The following LRBA variants were observed in gnomAD, a reference collection of about 807,000 sequenced individuals.
LRBA encodes the protein LPS responsive beige-like anchor protein.
LRBA carries 176 observed loss-of-function variants against 330.0 expected under a neutral mutation model. That is an observed-to-expected ratio of 0.53 (90% CI 0.47 to 0.60). The LOEUF (loss-of-function observed/expected upper bound fraction) is 0.60, where lower values mean the gene tolerates loss of function less well. Among genes scored for constraint, LRBA ranks in the 20% least tolerant of loss-of-function variants. The probability of loss-of-function intolerance (pLI) is 0.00; values close to 1 mark genes in which losing one functional copy is unlikely to be tolerated. For synonymous variants in LRBA, 1,230 were observed against 1,193.0 expected, an observed-to-expected ratio of 1.03 and a Z score of -0.64; for missense variants, 3,259 against 3,444.8, an observed-to-expected ratio of 0.95 and a Z score of 1.35.
chr4:150,753,000 C>G (rs1171026492), intron 35 of LRBA, among the ~76,000 whole-genome samples: 1 of 152,138 alleles, frequency 6.6e-6, no homozygotes, highest in African/African-American at 2.4e-5. Flanking sequence ...TGGAATTCAG[C>G]AGATTTCTCT....
chr4:150,301,293 G>A (rs1486345433), intron 53 of LRBA, among the ~76,000 whole-genome samples: 1 of 151,994 alleles, frequency 6.6e-6, no homozygotes, highest in African/African-American at 2.4e-5. Flanking sequence ...TAATTACAGA[G>A]ATGTCTGTAT....
chr4:150,530,998 C>T (rs1330145934), intron 40 of LRBA, among the ~76,000 whole-genome samples: 2 of 152,050 alleles, frequency 1.3e-5, no homozygotes, highest in Non-Finnish European at 2.9e-5. Context: ...TTCCATATGC[C>T]CCAACTCCCA....
chr4:150,693,266 T>A (rs572363388), intron 36 of LRBA, among the ~76,000 whole-genome samples: 1 of 152,170 alleles, frequency 6.6e-6, no homozygotes, highest in East Asian at 1.9e-4. Flanking sequence ...TATATAAGGG[T>A]CAAAAATTGG....
At chr4:150,490,732 T>C (rs1420603862) in intron 41 of LRBA, among the ~76,000 whole-genome samples, 186 bp downstream of exon 41, 1 of 151,864 alleles carries the variant, frequency 6.6e-6, no homozygotes, top group Non-Finnish European at 1.5e-5. Flanking sequence ...GAATTACAAA[T>C]GATTCTATTA....
intron 46 of LRBA, chr4:150,422,513 G>A (rs1748958482): frequency 2.8e-6 from 1 of 358,510 alleles, no homozygotes; most frequent in Non-Finnish European, 5.2e-6. Flanking sequence ...CCAGGGAGAT[G>A]AACATTATAA....
At chr4:150,795,029 C>A (rs1385021446) in intron 34 of LRBA, among the ~76,000 whole-genome samples, 1 of 152,012 alleles carries the variant, frequency 6.6e-6, no homozygotes, top group Non-Finnish European at 1.5e-5. Context: ...TGGGTTGAAA[C>A]CATTTTTAAA....
intron 2 of LRBA, among the ~76,000 whole-genome samples, chr4:150,935,420 T>C (rs565903437): frequency 5.9e-5 from 9 of 152,076 alleles, no homozygotes; most frequent in African/African-American, 9.7e-5. Context: ...GTATAAAGTA[T>C]CTAGGAGTGT....
intron 35 of LRBA, among the ~76,000 whole-genome samples, chr4:150,745,279 T>G: frequency 6.6e-6 from 1 of 152,076 alleles, no homozygotes; most frequent in East Asian, 1.9e-4. Flanking sequence ...GCTGCAAAAT[T>G]TGTGGGAATT....
intron 56 of LRBA, among the ~76,000 whole-genome samples, chr4:150,267,436 CA>C (rs780185300): frequency 2.4e-5 from 2 of 83,206 alleles, no homozygotes; most frequent in African/African-American, 8.5e-5. Context: ...TCAAAAAAAA[CA>C]AACAACAACA....
chr4:150,473,021 T>C (rs898251197), intron 42 of LRBA, among the ~76,000 whole-genome samples: 1 of 152,142 alleles, frequency 6.6e-6, no homozygotes, highest in African/African-American at 2.4e-5. Context: ...CTAGGTTGTA[T>C]GTTGAGTTTA....
intron 3 of LRBA, 100 bp from the exon 4 acceptor site, chr4:150,928,716 A>G: frequency 8.1e-7 from 1 of 1,231,836 alleles, no homozygotes; most frequent in Non-Finnish European, 1.2e-6. Context: ...CTAAAGTTCT[A>G]GGTGCATGCT....
chr4:150,501,174 A>G (rs374604204), intron 40 of LRBA, among the ~76,000 whole-genome samples: 5 of 152,278 alleles, frequency 3.3e-5, no homozygotes, highest in African/African-American at 1.2e-4. Context: ...TTGTTGCACA[A>G]TCCTCACTAG....
At chr4:150,861,429 A>G (rs1048215953) in intron 22 of LRBA, among the ~76,000 whole-genome samples, 1 of 152,176 alleles carries the variant, frequency 6.6e-6, no homozygotes, top group Non-Finnish European at 1.5e-5. Flanking sequence ...CCCAGCCCTT[A>G]TATTGTGTGT....
chr4:150,935,077 G>T (rs959665082), intron 2 of LRBA, among the ~76,000 whole-genome samples: 16 of 150,720 alleles, frequency 1.1e-4, no homozygotes, highest in African/African-American at 3.9e-4. Flanking sequence ...TCAGGAGGTT[G>T]AGGCAGGAGA....
intron 54 of LRBA, among the ~76,000 whole-genome samples, chr4:150,284,616 C>T (rs1167947634): frequency 6.6e-6 from 1 of 152,036 alleles, no homozygotes; most frequent in Non-Finnish European, 1.5e-5. Context: ...CTTACTACAG[C>T]CTTCACCTCC....
chr4:150,846,962 C>G (rs1232230112), intron 26 of LRBA, among the ~76,000 whole-genome samples: 1 of 152,094 alleles, frequency 6.6e-6, no homozygotes, highest in Admixed American at 6.6e-5. Flanking sequence ...GCTAGTATAG[C>G]CTTGCACTTT....
At chr4:150,694,915 T>C (rs1026476143) in intron 36 of LRBA, among the ~76,000 whole-genome samples, 1 of 152,058 alleles carries the variant, frequency 6.6e-6, no homozygotes, top group African/African-American at 2.4e-5. Context: ...TTCAAATGCT[T>C]TTTTTTTCTG....
chr4:150,818,779 T>A (rs1323769067), intron 30 of LRBA, among the ~76,000 whole-genome samples: 1 of 151,964 alleles, frequency 6.6e-6, no homozygotes, highest in African/African-American at 2.4e-5. Context: ...CAAGATCTAG[T>A]TTACTCATAC....
At chr4:150,399,528 C>T (rs1311441618) in intron 47 of LRBA, among the ~76,000 whole-genome samples, 1 of 152,176 alleles carries the variant, frequency 6.6e-6, no homozygotes, top group Non-Finnish European at 1.5e-5. Flanking sequence ...CCTCAAGCGG[C>T]TCAACATCTC....
Sources: gnomAD v4.1 joint callset for allele counts (sites outside exome capture counted in the v4.1 genomes callset) on GRCh38, gnomAD v4.1.1 for gene constraint, MANE v1.5 for transcripts, NCBI Gene and HGNC (gene_info 2026-07-23, HGNC 2026-07-21) for gene names.